Variants in POLR2B observed in about 807,000 individuals in gnomAD.
POLR2B encodes the protein DNA-directed RNA polymerase II subunit RPB2.
A neutral mutation model predicts 144.6 loss-of-function variants in POLR2B; 57 were observed. The ratio of observed to expected loss-of-function variants is 0.39; its 90% confidence interval spans 0.32 to 0.49. The LOEUF (loss-of-function observed/expected upper bound fraction) is 0.49. Among genes scored for constraint, POLR2B ranks in the 20% least tolerant of loss-of-function variants. POLR2B has a pLI of 0.83. For missense variants in POLR2B, 595 were observed against 1,467.4 expected (o/e 0.41, Z 9.71); for synonymous variants, 442 against 469.8 (o/e 0.94, Z 0.77).
At chr4:56,979,235 C>T (rs894408992) in intron 1 of POLR2B, among the ~76,000 whole-genome samples, 2 of 152,132 alleles carry the variant, frequency 1.3e-5, no homozygotes, top group African/African-American at 2.4e-5. Context: ...TGCACTTTCT[C>T]GTTCCGTTAG....
rs1316594513 is a variant in POLR2B at position 57,030,412 on chromosome 4, T to C, written c.3435+13T>C. The C allele has an allele frequency of 1.3e-6, 2 of 1,575,246 alleles. No individual in the cohort carries two copies. On this transcript the variant is annotated intron_variant, in intron 24 of 24. Transcript: ENST00000314595. ...CAATAAAACCCAGGTGTGTATAGACTTTACTGGCAGTTGATATTTGTTTAG... is the reference window on the plus strand; with the variant it reads ...CAATAAAACCCAGGTGTGTATAGACCTTACTGGCAGTTGATATTTGTTTAG...
chr4:56,987,751 G>A (rs9991234), intron 2 of POLR2B, among the ~76,000 whole-genome samples: 14,466 of 151,914 alleles, frequency 0.095, 906 homozygotes, highest in African/African-American at 0.17. Context: ...GTGTGGTGGC[G>A]CACACCTGTA....
At chr4:56,979,896 CAAAAA>C (rs61576956) in intron 1 of POLR2B, among the ~76,000 whole-genome samples, 2 of 137,172 alleles carry the variant, frequency 1.5e-5, no homozygotes. Flanking sequence ...TAGACTGTCT[CAAAAA>C]AAAAAAAAAA....
Position 57,023,863 on chromosome 4 carries a change from G to T in POLR2B, c.2856+112G>T, listed in dbSNP as rs1047348711. Reference sequence around the variant, plus strand: ...AAAGATGATACAGGTTGAACTTTTTGATTTTATTGTTGAATAAGTATATGA... The same window carrying T: ...AAAGATGATACAGGTTGAACTTTTTTATTTTATTGTTGAATAAGTATATGA... On this transcript the variant is annotated intron_variant, in intron 20 of 24. Coordinates refer to ENST00000314595, the MANE Select transcript of POLR2B (RefSeq NM_000938.3). This position sits in a 1 kb window ranked among gnomAD's most constrained non-coding sequence, Gnocchi z 4.3. The T allele has an allele frequency of 1.9e-5, 16 of 836,156 alleles. No homozygotes were observed. Among genetic ancestry groups the T allele is most frequent in the Non-Finnish European group, 2.9e-5 (15 of 525,392 alleles). 51.8% of individuals were successfully genotyped at this position (836,156 alleles called of 1,614,324 possible). A position where few individuals can be genotyped will look rare whatever the true frequency, so the allele number is the denominator to read the frequency against.
chr4:56,994,325 A>G (rs957113630), intron 3 of POLR2B, 79 bp from the exon 4 acceptor site: 19 of 727,598 alleles, frequency 2.6e-5, no homozygotes, highest in Non-Finnish European at 4.0e-5. Flanking sequence ...TAAAATGTTA[A>G]TGTCAATTAA....
intron 1 of POLR2B, among the ~76,000 whole-genome samples, chr4:56,981,294 T>G (rs1722151851): frequency 1.3e-5 from 2 of 151,678 alleles, no homozygotes; most frequent in Admixed American, 1.3e-4. Flanking sequence ...TTTGTGTGGA[T>G]GTACCATAAC....
At chr4:57,001,793 A>G (rs1343364251) in intron 7 of POLR2B, among the ~76,000 whole-genome samples, 1 of 152,038 alleles carries the variant, frequency 6.6e-6, no homozygotes, top group African/African-American at 2.4e-5. Flanking sequence ...TTCCTTATAA[A>G]TTTTTTCCAT....
Position 56,979,175 on chromosome 4 carries a change from G to C in POLR2B, c.19+171G>C, listed in dbSNP as rs1487496966. On this transcript the variant is annotated intron_variant, in intron 1 of 24. Coordinates refer to ENST00000314595, the MANE Select transcript of POLR2B (RefSeq NM_000938.3). Reference sequence around the variant, plus strand: ...AAACTGGGGTAGGGAGAGGCGGAGGGTGCAGGGAACATAGTGTTAATGTTC... The same window carrying C: ...AAACTGGGGTAGGGAGAGGCGGAGGCTGCAGGGAACATAGTGTTAATGTTC... Among the ~76,000 whole-genome samples the C allele has an allele frequency of 3.9e-5, 6 of 152,140 alleles. No individual in the cohort carries two copies. The East Asian group carries it at 1.2e-3, about 29-fold the overall frequency.
chr4:57,013,285 G>C (rs897824338), intron 13 of POLR2B, among the ~76,000 whole-genome samples: 5 of 151,952 alleles, frequency 3.3e-5, no homozygotes, highest in Non-Finnish European at 7.4e-5. Context: ...CCTGGCCCTG[G>C]GTTTTGACCC....
Position 56,990,288 on chromosome 4 carries a change from C to G in POLR2B, c.93-460C>G, listed in dbSNP as rs578249223. 2.0e-5 allele frequency among the ~76,000 whole-genome samples: 3 copies of G among 152,032 alleles called. No homozygotes were observed. In the East Asian group the frequency reaches 5.8e-4, roughly 29 times the overall value. On this transcript the variant is annotated intron_variant, in intron 2 of 24. Transcript: ENST00000314595. ...TCTCCTAGGCTGGAGTGCAATGATG[C>G]AATCATGACTCAATGCAGCCTCAAA...
chr4:56,992,705 G>A (rs981437655), intron 3 of POLR2B, among the ~76,000 whole-genome samples: 58 of 150,748 alleles, frequency 3.8e-4, no homozygotes, highest in African/African-American at 1.3e-3. Context: ...GACTACAGGC[G>A]CCTGCCACCA....
At chr4:56,993,654 CT>C (rs754622792) in intron 3 of POLR2B, among the ~76,000 whole-genome samples, 2 of 151,596 alleles carry the variant, frequency 1.3e-5, no homozygotes, top group South Asian at 2.1e-4. Flanking sequence ...TGAAAAATTT[CT>C]TTTTTTTTCT....
chr4:56,979,448 T>A (rs1041900576), intron 1 of POLR2B, among the ~76,000 whole-genome samples: 3 of 16,646 alleles, frequency 1.8e-4, no homozygotes, highest in African/African-American at 4.5e-4. Context: ...TATCGGGGGG[T>A]GGGGGTGGCG....
intron 9 of POLR2B, among the ~76,000 whole-genome samples, 167 bp from the exon 10 acceptor site, chr4:57,006,649 C>T (rs757332614): frequency 3.9e-5 from 6 of 152,138 alleles, no homozygotes; most frequent in Non-Finnish European, 4.4e-5. Flanking sequence ...TGTATGTTCA[C>T]GTACTATACA....
chr4:56,980,941 A>C (rs1185327102), intron 1 of POLR2B, among the ~76,000 whole-genome samples: 2 of 151,714 alleles, frequency 1.3e-5, no homozygotes, highest in Non-Finnish European at 2.9e-5. Context: ...AGTAGCTGAG[A>C]TTACAGGCGT....
chr4:56,994,801 C>T lies in POLR2B; in HGVS notation c.511C>T (p.Leu171Phe). ...CLLNGLTDRD[L>F]CELNECPLDP... The stretch of plus-strand genomic sequence containing the variant: ...TTTGAATGGCTTGACAGATCGTGAT[C>T]TTTGTGAGTTAAATGAATGCCCTTT... The change falls in exon 5 of 25, where the codon CTT becomes TTT. Residue 171 changes from leucine (L) to phenylalanine (F), a missense_variant. By Grantham distance (22) the Leu-to-Phe change is conservative (BLOSUM62 0). Transcript: ENST00000314595. 6.2e-7 allele frequency: 1 copy of T among 1,613,392 alleles called. No individual in the cohort carries two copies. Among genetic ancestry groups the T allele is most frequent in the Non-Finnish European group, 8.5e-7 (1 of 1,179,726 alleles).
At chr4:56,980,102 T>C (rs1722110042) in intron 1 of POLR2B, among the ~76,000 whole-genome samples, 1 of 151,262 alleles carries the variant, frequency 6.6e-6, no homozygotes. Context: ...TTTTTTTTTT[T>C]TTTTTAAGAG....
intron 1 of POLR2B, among the ~76,000 whole-genome samples, chr4:56,983,988 C>G (rs1722239408): frequency 6.6e-6 from 1 of 151,830 alleles, no homozygotes; most frequent in Admixed American, 6.6e-5. Context: ...CCTCAGCCTT[C>G]CTAGTAGCTG....
chr4:56,993,175 C>A (rs1031602618), intron 3 of POLR2B, among the ~76,000 whole-genome samples: 1 of 151,738 alleles, frequency 6.6e-6, no homozygotes, highest in Non-Finnish European at 1.5e-5. Flanking sequence ...CCTGGTGGTG[C>A]GCCTGTAGTC....
Sources: gnomAD v4.1 joint callset for allele counts (sites outside exome capture counted in the v4.1 genomes callset) on GRCh38, gnomAD v4.1.1 for gene constraint, Gnocchi (gnomAD v3.1) non-coding constraint, MANE v1.5 for transcripts, NCBI Gene and HGNC (gene_info 2026-07-23, HGNC 2026-07-21) for gene names.